RAD9B: variants seen among roughly 807,000 people sequenced by gnomAD.
RAD9B encodes the protein RAD9 checkpoint clamp component B.
Under a neutral mutation model 48.3 loss-of-function variants are expected in RAD9B, and 41 were observed. That is an observed-to-expected ratio of 0.85 (90% confidence interval 0.66 to 1.10). RAD9B has a LOEUF of 1.10. RAD9B is among the 50% of genes least tolerant of loss of function. The probability of loss-of-function intolerance (pLI) is 0.00; values close to 1 mark genes in which losing one functional copy is unlikely to be tolerated. For synonymous variants in RAD9B, 160 were observed against 157.9 expected (o/e 1.01, Z -0.10); for missense variants, 444 against 485.1 (o/e 0.92, Z 0.80).
intron 6 of RAD9B, among the ~76,000 whole-genome samples, chr12:110,517,169 C>CA (rs1399037752): frequency 6.6e-6 from 1 of 151,774 alleles, no homozygotes; most frequent in African/African-American, 2.4e-5. Flanking sequence ...CCCATCTCTA[C>CA]AAAAATAAAA....
chr12:110,503,112 G>GTT (rs2063142794), intron 1 of RAD9B: 1 of 152,452 alleles, frequency 6.6e-6, no homozygotes, highest in African/African-American at 2.4e-5. Context: ...GGGCTTAGTG[G>GTT]TGGGCGCCTG....
intron 10 of RAD9B, among the ~76,000 whole-genome samples, chr12:110,523,302 C>T (rs1391890948): frequency 6.6e-6 from 1 of 152,062 alleles, no homozygotes; most frequent in Non-Finnish European, 1.5e-5. Context: ...GATGTGGTGG[C>T]TGTAGACCTA....
chr12:110,531,140 A>G lies in RAD9B; in HGVS notation c.*487A>G, dbSNP rs1170261069. 1 of 994,978 alleles carries G rather than the reference A, an allele frequency of 1.0e-6. No homozygotes were observed. Among genetic ancestry groups the G allele is most frequent in the Non-Finnish European group, 1.2e-6 (1 of 835,328 alleles). The allele number at this position is 994,978 out of a possible 1,614,324, so 61.6% of individuals were successfully genotyped here. A position where few individuals can be genotyped will look rare whatever the true frequency, so the allele number is the denominator to read the frequency against. On this transcript the variant is annotated 3_prime_UTR_variant, in exon 11 of 11. Transcript: ENST00000409300. ...TGTGCATTGTTTTTTATATTTTAAG[A>G]CTTTAAGTAGAATAAACCCTGGAAA...
chr12:110,527,330 A>G (rs2063977600), intron 10 of RAD9B, among the ~76,000 whole-genome samples: 1 of 152,198 alleles, frequency 6.6e-6, no homozygotes, highest in Non-Finnish European at 1.5e-5. Flanking sequence ...ATCAGCAATT[A>G]GAAACCTTAA....
chr12:110,514,206 G>C (rs2063546825), intron 5 of RAD9B, among the ~76,000 whole-genome samples: 1 of 152,088 alleles, frequency 6.6e-6, no homozygotes, highest in African/African-American at 2.4e-5. Flanking sequence ...CTGACATTTT[G>C]ATAGCAAGAA....
intron 1 of RAD9B, 70 bp downstream of exon 1, chr12:110,502,453 T>C (rs2063108322): frequency 6.4e-7 from 1 of 1,554,504 alleles, no homozygotes. Flanking sequence ...GTCCCTACCA[T>C]TGTCTAATTT....
intron 5 of RAD9B, among the ~76,000 whole-genome samples, chr12:110,513,950 A>G (rs2063537729): frequency 1.3e-5 from 2 of 151,782 alleles, no homozygotes; most frequent in African/African-American, 2.4e-5. Flanking sequence ...ATTGAGACAA[A>G]CTTCTGAGTT....
rs1240674050 is a variant in RAD9B at position 110,531,996 on chromosome 12, T to C, written c.*1343T>C. 5.4e-6 allele frequency: 1 copy of C among 185,880 alleles called. No homozygotes were observed. The highest frequency in any genetic ancestry group is 1.1e-5 in the Non-Finnish European group (1 of 90,764). 11.5% of individuals were successfully genotyped at this position (185,880 alleles called of 1,614,324 possible). A position where few individuals can be genotyped will look rare whatever the true frequency, so the allele number is the denominator to read the frequency against. The stretch of plus-strand genomic sequence containing the variant: ...TGCTTTAGAACTGTGAATAGAGTTC[T>C]AACTGAAACCAGAATTAATTTGGCT... On this transcript the variant is annotated 3_prime_UTR_variant, in exon 11 of 11. Coordinates refer to ENST00000409300, the MANE Select transcript of RAD9B (RefSeq NM_001286535.2).
intron 9 of RAD9B, among the ~76,000 whole-genome samples, chr12:110,520,146 T>A (rs1437358241): frequency 6.6e-6 from 1 of 152,238 alleles, no homozygotes; most frequent in Non-Finnish European, 1.5e-5. Flanking sequence ...AACAAGACTG[T>A]CTGGTTTATC....
chr12:110,522,322 A>G lies in RAD9B; in HGVS notation c.1036A>G (p.Met346Val). 1 of 1,613,780 alleles carries G rather than the reference A, an allele frequency of 6.2e-7. No individual in the cohort carries two copies. Among genetic ancestry groups the G allele is most frequent in the Non-Finnish European group, 8.5e-7 (1 of 1,179,826 alleles). Reference sequence around the variant, plus strand: ...ATTGGAAAACTGTGGCAGCCCTGCAATGAAAAGAGTGGATGGAGATGTCAG... The same window carrying G: ...ATTGGAAAACTGTGGCAGCCCTGCAGTGAAAAGAGTGGATGGAGATGTCAG... Reference protein sequence around the residue: ...SALENCGSPAMKRVDGDVSEV... With the variant: ...SALENCGSPAVKRVDGDVSEV... Residue 346 changes from methionine (M) to valine (V), a missense_variant, in exon 10 of 11, where the codon ATG becomes GTG. Met to Val is a conservative substitution (Grantham distance 21, BLOSUM62 1). Coordinates refer to ENST00000409300, the MANE Select transcript of RAD9B (RefSeq NM_001286535.2).
chr12:110,531,349 T>G lies in RAD9B; in HGVS notation c.*696T>G. 1 of 415,826 alleles carries G rather than the reference T, an allele frequency of 2.4e-6. No individual in the cohort carries two copies. Among genetic ancestry groups the G allele is most frequent in the Non-Finnish European group, 4.2e-6 (1 of 240,922 alleles). The allele number at this position is 415,826 out of a possible 1,614,324, so 25.8% of individuals were successfully genotyped here. On this transcript the variant is annotated 3_prime_UTR_variant, in exon 11 of 11. Transcript: ENST00000409300. ...CTGGGATTGCAGGTGCGTGCCACCATGCCTGGCTAATTTCTGGTATTTTGT... is the reference window on the plus strand; with the variant it reads ...CTGGGATTGCAGGTGCGTGCCACCAGGCCTGGCTAATTTCTGGTATTTTGT...
chr12:110,505,556 C>T, intron 2 of RAD9B, 61 bp from the exon 3 acceptor site: 2 of 1,417,770 alleles, frequency 1.4e-6, no homozygotes, highest in Non-Finnish European at 1.9e-6. Flanking sequence ...GCTTGGATTA[C>T]AGGTTCATGG....
intron 4 of RAD9B, among the ~76,000 whole-genome samples, chr12:110,512,144 C>CT (rs777973965): frequency 0.016 from 2,323 of 141,020 alleles, 28 homozygotes; most frequent in Non-Finnish European, 0.023. Context: ...CGTGCCTGGC[C>CT]TTTTTTTTTT....
intron 8 of RAD9B, among the ~76,000 whole-genome samples, 165 bp from the exon 9 acceptor site, chr12:110,519,629 T>C (rs1593087490): frequency 6.6e-6 from 1 of 151,230 alleles, no homozygotes; most frequent in Non-Finnish European, 1.5e-5. Flanking sequence ...AGAGACGGGG[T>C]TTCTTCATGT....
intron 4 of RAD9B, among the ~76,000 whole-genome samples, chr12:110,512,571 T>C (rs4766497): frequency 0.53 from 79,901 of 152,086 alleles, 23,496 homozygotes; most frequent in East Asian, 0.91. Flanking sequence ...TCCTGCCTGA[T>C]TGGTCAGAAG....
chr12:110,509,036 C>T (rs1266327591), intron 4 of RAD9B, among the ~76,000 whole-genome samples: 2 of 152,068 alleles, frequency 1.3e-5, no homozygotes. Flanking sequence ...GCGATCTCAG[C>T]TCACTGCAAG....
rs1050674699 is a variant in RAD9B, at chr12:110,532,698, A to AT, written c.*2052dup. ...TGGAGCTGCCCTATACAGGTGTACC[A>AT]TTTTTTTGTCTTTCATACCATAGTT... On this transcript the variant is annotated 3_prime_UTR_variant, in exon 11 of 11. Transcript: ENST00000409300. Among the ~76,000 whole-genome samples, 1 of 152,168 alleles carries AT rather than the reference A, an allele frequency of 6.6e-6. No individual in the cohort carries two copies. The highest frequency in any genetic ancestry group is 1.5e-5 in the Non-Finnish European group (1 of 68,030).
At position 110,522,241 on chromosome 12, in the gene RAD9B, A is replaced by G; in HGVS notation, c.955A>G (p.Lys319Glu). 6.2e-7 allele frequency: 1 copy of G among 1,610,512 alleles called. No individual in the cohort carries two copies. The highest frequency in any genetic ancestry group is 8.5e-7 in the Non-Finnish European group (1 of 1,178,410). The part of the protein sequence containing the change: ...VTGQALECIS[K>E]KAAPRRLYPK... ...TGGCCAGGCCCTGGAATGTATTTCA[A>G]AAAAAGCAGCACCAAGAAGGCTTTA... The change falls in exon 10 of 11, where the codon AAA becomes GAA. Residue 319 changes from lysine to glutamate, a missense_variant. Physicochemically the swap from Lys to Glu is moderately conservative, Grantham distance 56. Coordinates refer to ENST00000409300, the MANE Select transcript of RAD9B (RefSeq NM_001286535.2).
At chr12:110,529,089 C>G (rs776641013) in intron 10 of RAD9B, among the ~76,000 whole-genome samples, 35 of 151,736 alleles carry the variant, frequency 2.3e-4, no homozygotes, top group Non-Finnish European at 4.4e-4. Context: ...TGGGTGTAGA[C>G]AGCTCTACAA....
Sources: allele counts gnomAD v4.1 joint callset (sites outside exome capture counted in the v4.1 genomes callset), GRCh38; gene constraint gnomAD v4.1.1; transcripts MANE v1.5; gene names NCBI Gene and HGNC (gene_info 2026-07-23, HGNC 2026-07-21).